Variants in ANO1 observed in about 807,000 individuals in gnomAD.
ANO1 encodes anoctamin 1.
In ANO1, 59 loss-of-function variants were observed where a neutral mutation model predicts 124.0. The observed-to-expected ratio is 0.48, with a 90% confidence interval of 0.39 to 0.59. The LOEUF (loss-of-function observed/expected upper bound fraction) is 0.59. Ranked by LOEUF, ANO1 falls within the 20% of genes least tolerant of loss-of-function variation. The pLI is 0.00. For missense variants in ANO1, 1,059 were observed against 1,328.0 expected (o/e 0.80, Z 3.15); for synonymous variants, 529 against 532.0 (o/e 0.99, Z 0.08).
the ANO1 span, among the ~76,000 whole-genome samples, chr11:69,977,043 A>G: frequency 6.6e-6 from 1 of 152,240 alleles, no homozygotes; most frequent in Non-Finnish European, 1.5e-5. Flanking sequence ...TCTGATGCAC[A>G]CTCACTCTCT....
At chr11:70,006,663 C>CTTTTTTTTTTTTTTTTTTTT (rs56851839) in intron 1 of ANO1, among the ~76,000 whole-genome samples, 2 of 88,996 alleles carry the variant, frequency 2.2e-5, no homozygotes, top group African/African-American at 4.2e-5. Flanking sequence ...TTTCTTCTTT[C>CTTTTTTTTTTTTTTTTTTTT]TTTTTTTTTT....
In ANO1 at chr11:70,030,587, G is replaced by A. The variant is rs1190091213; in HGVS notation, c.58+44421G>A. Among the ~76,000 whole-genome samples, 6 of 152,178 alleles carry A rather than the reference G, an allele frequency of 3.9e-5. 1 individual carries two copies. The highest frequency in any genetic ancestry group is 3.3e-4 in the Admixed American group (5 of 15,276). On this transcript the variant is annotated intron_variant, in intron 1 of 27. Transcript: ENST00000531349. ...CTGGTGTCAGCGACGCTGGGCTGGT[G>A]GCTGCATTACCCAGCTCTCTGCCAT...
chr11:70,034,474 C>G (rs907476210), intron 1 of ANO1, among the ~76,000 whole-genome samples: 1 of 152,258 alleles, frequency 6.6e-6, no homozygotes, highest in East Asian at 1.9e-4. Context: ...AGGGAGTCAA[C>G]CTTTCTTCTT....
intron 25 of ANO1, among the ~76,000 whole-genome samples, chr11:70,186,352 G>A (rs374569965): frequency 7.9e-6 from 1 of 126,820 alleles, no homozygotes; most frequent in African/African-American, 3.3e-5. Context: ...GAGGGGGAGG[G>A]AGGAAGGAAG....
At chr11:70,187,025 T>G (rs2049155787) in intron 25 of ANO1, among the ~76,000 whole-genome samples, 1 of 152,144 alleles carries the variant, frequency 6.6e-6, no homozygotes, top group Non-Finnish European at 1.5e-5. Flanking sequence ...AGGCAGCCCC[T>G]AGATGGACCA....
At chr11:69,997,536 C>T (rs1206619000) in intron 1 of ANO1, among the ~76,000 whole-genome samples, 2 of 152,122 alleles carry the variant, frequency 1.3e-5, no homozygotes, top group Non-Finnish European at 2.9e-5. Flanking sequence ...CAGCCACTCT[C>T]CCCCCGTCCC....
At chr11:70,036,702 G>A (rs1857099811) in intron 1 of ANO1, among the ~76,000 whole-genome samples, 1 of 152,134 alleles carries the variant, frequency 6.6e-6, no homozygotes, top group Non-Finnish European at 1.5e-5. Flanking sequence ...CCACCTCCCG[G>A]GTTCATGCCA....
chr11:70,134,142 T>C (rs2046865500), intron 11 of ANO1, among the ~76,000 whole-genome samples: 1 of 152,218 alleles, frequency 6.6e-6, no homozygotes, highest in Non-Finnish European at 1.5e-5. Flanking sequence ...GGCACCTCGC[T>C]GCAGCCCCAC....
intron 11 of ANO1, among the ~76,000 whole-genome samples, chr11:70,140,324 G>T (rs1173034797): frequency 3.3e-5 from 5 of 151,974 alleles, no homozygotes; most frequent in Non-Finnish European, 7.4e-5. Flanking sequence ...GAGGTCACGA[G>T]TACAAGACCA....
intron 1 of ANO1, among the ~76,000 whole-genome samples, chr11:70,005,049 G>A (rs1856460749): frequency 6.7e-6 from 1 of 150,212 alleles, no homozygotes; most frequent in Admixed American, 6.7e-5. Flanking sequence ...GGAGGCGCAG[G>A]CTGCAGTGAG....
At chr11:69,997,311 A>G (rs1554998521) in intron 1 of ANO1, among the ~76,000 whole-genome samples, 1 of 151,078 alleles carries the variant, frequency 6.6e-6, no homozygotes, top group African/African-American at 2.4e-5. Flanking sequence ...AAAATATTAC[A>G]GTCAGTTTAT....
rs1554998198 is a variant in ANO1 at position 69,995,106 on chromosome 11, T to TTTG, written c.58+8942_58+8943insGTT. 2.6e-4 allele frequency among the ~76,000 whole-genome samples: 38 copies of TTTG among 148,756 alleles called. No homozygotes were observed. The East Asian group carries it at 2.9e-3, about 12-fold the overall frequency. ...AATGCTGGCACTGTTTTTTTTTTTTTTTTTTTTTTTTGAGATGGAATCTTG... is the reference window on the plus strand; with the variant it reads ...AATGCTGGCACTGTTTTTTTTTTTTTTTGTTTTTTTTTTTGAGATGGAATCTTG... On this transcript the variant is annotated intron_variant, in intron 1 of 27. Transcript: ENST00000531349.
intron 2 of ANO1, among the ~76,000 whole-genome samples, chr11:70,097,502 G>A (rs929568818): frequency 6.6e-5 from 10 of 152,242 alleles, no homozygotes; most frequent in African/African-American, 2.4e-4. Context: ...CAGGGACTGA[G>A]AGCATCTCCC....
At chr11:69,976,808 G>A in the ANO1 span, among the ~76,000 whole-genome samples, 1 of 152,226 alleles carries the variant, frequency 6.6e-6, no homozygotes, top group Non-Finnish European at 1.5e-5. Flanking sequence ...AGTCACCTTG[G>A]CTGCCAGGCC....
chr11:70,104,449 T>C (rs1160850593), intron 4 of ANO1, among the ~76,000 whole-genome samples: 2 of 148,920 alleles, frequency 1.3e-5, no homozygotes, highest in Non-Finnish European at 1.5e-5. Context: ...TCCGCACCCC[T>C]GCCCCGCCAC....
chr11:69,966,900 C>A, the ANO1 span, among the ~76,000 whole-genome samples: 2 of 152,160 alleles, frequency 1.3e-5, no homozygotes, highest in Non-Finnish European at 2.9e-5. Flanking sequence ...TGGCAAACAA[C>A]CCCTCCTGAG....
intron 2 of ANO1, among the ~76,000 whole-genome samples, chr11:70,089,550 T>G (rs2044537191): frequency 6.6e-6 from 1 of 152,174 alleles, no homozygotes; most frequent in Non-Finnish European, 1.5e-5. Flanking sequence ...TTCACCTTCC[T>G]GAGGTCTGGC....
chr11:70,009,554 G>T (rs1215456262), intron 1 of ANO1, among the ~76,000 whole-genome samples: 1 of 152,190 alleles, frequency 6.6e-6, no homozygotes, highest in African/African-American at 2.4e-5. Context: ...GAAAAGGCCT[G>T]TCTTGGTGCA....
chr11:70,118,629 G>T (rs1160396444), intron 8 of ANO1, among the ~76,000 whole-genome samples: 1 of 133,964 alleles, frequency 7.5e-6, no homozygotes, highest in South Asian at 2.6e-4. Context: ...TTATGGATGG[G>T]TGAATGGGTG....
Sources: gnomAD v4.1 joint callset for allele counts (sites outside exome capture counted in the v4.1 genomes callset) on GRCh38, gnomAD v4.1.1 for gene constraint, MANE v1.5 for transcripts, NCBI Gene and HGNC (gene_info 2026-07-23, HGNC 2026-07-21) for gene names.